The following TRIP12 variants were observed in gnomAD, a reference collection of about 807,000 sequenced individuals.
TRIP12 encodes E3 ubiquitin-protein ligase TRIP12.
TRIP12 carries 25 observed loss-of-function variants against 244.2 expected under a neutral mutation model. That is an observed-to-expected ratio of 0.10 (90% CI 0.07 to 0.14). TRIP12 has a LOEUF of 0.14. Among genes scored for constraint, TRIP12 ranks in the 10% least tolerant of loss-of-function variants. The pLI is 1.00. For missense variants in TRIP12, 1,677 were observed against 2,486.4 expected, an observed-to-expected ratio of 0.67 and a Z score of 6.92; for synonymous variants, 905 against 873.1, an observed-to-expected ratio of 1.04 and a Z score of -0.64.
At chr2:229,784,119 AAAAG>A (rs1299222691) in intron 34 of TRIP12, among the ~76,000 whole-genome samples, 1 of 151,576 alleles carries the variant, frequency 6.6e-6, no homozygotes, top group Non-Finnish European at 1.5e-5. Flanking sequence ...TCAAAAAAAA[AAAAG>A]AGAGAGAAAA....
chr2:229,903,010 C>CTTTTCTTTTTTTTTTT (rs1560250130), intron 1 of TRIP12, among the ~76,000 whole-genome samples: 1 of 25,668 alleles, frequency 3.9e-5, no homozygotes, highest in African/African-American at 1.2e-4. Flanking sequence ...TTTTCTTTTT[C>CTTTTCTTTTTTTTTTT]TTTTTTTCTT....
intron 7 of TRIP12, 116 bp from the exon 8 acceptor site, chr2:229,829,404 G>T: frequency 1.3e-6 from 1 of 777,354 alleles, no homozygotes; most frequent in Non-Finnish European, 2.0e-6. Context: ...ATGTTACTTT[G>T]CTTTCTGGAC....
intron 39 of TRIP12, 101 bp from the exon 40 acceptor site, chr2:229,769,426 G>T: frequency 1.5e-5 from 12 of 777,732 alleles, no homozygotes; most frequent in Admixed American, 3.3e-5. Flanking sequence ...ATCAGTCTCA[G>T]TACTAAAACC....
At position 229,803,681 on chromosome 2, in the gene TRIP12, G is replaced by A; in HGVS notation, c.2888C>T (p.Ala963Val). 2 of 1,595,198 alleles carry A rather than the reference G, an allele frequency of 1.3e-6. No homozygotes were observed. The highest frequency in any genetic ancestry group is 1.7e-6 in the Non-Finnish European group (2 of 1,173,878). Residue 963 changes from alanine to valine, a missense_variant, in exon 20 of 42, where the codon GCT becomes GTT. This residue lies in a region of TRIP12 where 572 missense variants were observed against 867.8 expected (regional missense o/e 0.66). Coordinates refer to ENST00000675903, the MANE Select transcript of TRIP12 (RefSeq NM_001348323.3). ...LKNHAVSSHI[A>V]SMLSSQDLKI... ...CAGGTCTTGGCTTGACAGCATGGAA[G>A]CAATGTGACTAAAAAAAGAAAGCAT... is the stretch of plus-strand genomic sequence containing the variant.
intron 2 of TRIP12, among the ~76,000 whole-genome samples, chr2:229,864,000 GTGAA>G (rs1450691467): frequency 1.6e-5 from 1 of 61,188 alleles, no homozygotes; most frequent in African/African-American, 6.4e-5. Flanking sequence ...AAAGATTTGG[GTGAA>G]AGAGAGAGAG....
rs1258751146 is a variant in TRIP12, at chr2:229,777,486, T to C, written c.5365-7A>G. On this transcript the variant is annotated splice_polypyrimidine_tract_variant and splice_region_variant and intron_variant, in intron 36 of 41. Transcript: ENST00000675903. Reference sequence around the variant, plus strand: ...AGCCAAGGGGAAGGTCCACCTGAAATGGAATATGCATAATATTTTCACTGT... The same window carrying C: ...AGCCAAGGGGAAGGTCCACCTGAAACGGAATATGCATAATATTTTCACTGT... 1.2e-6 allele frequency: 2 copies of C among 1,613,438 alleles called. No individual in the cohort carries two copies. The highest frequency in any genetic ancestry group is 1.7e-6 in the Non-Finnish European group (2 of 1,179,616).
At chr2:229,901,449 C>T (rs1239083054) in intron 1 of TRIP12, among the ~76,000 whole-genome samples, 2 of 151,028 alleles carry the variant, frequency 1.3e-5, no homozygotes, top group African/African-American at 4.9e-5. Flanking sequence ...GGTGAAACCC[C>T]CCTCCTCTAC....
chr2:229,811,338 G>C (rs2047197071), intron 13 of TRIP12, 134 bp from the exon 14 acceptor site: 6 of 877,100 alleles, frequency 6.8e-6, no homozygotes, highest in Non-Finnish European at 1.0e-5. Flanking sequence ...CTTTGAAAAT[G>C]CAAATGGGCC....
intron 1 of TRIP12, among the ~76,000 whole-genome samples, chr2:229,904,447 T>C (rs1233296436): frequency 6.7e-6 from 1 of 149,148 alleles, no homozygotes; most frequent in Non-Finnish European, 1.5e-5. Context: ...AATTTTAATC[T>C]GACAAAAAGG....
At chr2:229,859,977 G>T (rs1021056601) in intron 3 of TRIP12, among the ~76,000 whole-genome samples, 1 of 152,146 alleles carries the variant, frequency 6.6e-6, no homozygotes, top group Admixed American at 6.5e-5. Context: ...CTTTCAAAAT[G>T]AAGGTTAGAG....
Position 229,859,551 on chromosome 2 carries a change from ACAG to A in TRIP12, c.245_247del (p.Ala82del), listed in dbSNP as rs2060136911. The A allele has an allele frequency of 6.2e-7, 1 of 1,613,254 alleles. No individual in the cohort carries two copies. The highest frequency in any genetic ancestry group is 8.5e-7 in the Non-Finnish European group (1 of 1,179,502). ...TGGATCCTCTGGTTGTGGAACTATC[ACAG>A]CAGATGATGAACTGCAGCTTCTAAG... On this transcript the variant is annotated inframe_deletion, in exon 4 of 42. Coordinates refer to ENST00000675903, the MANE Select transcript of TRIP12 (RefSeq NM_001348323.3).
Position 229,805,859 on chromosome 2 carries a change from C to A in TRIP12, c.2521G>T (p.Glu841Ter). Residue 841 changes from glutamate (E) to a stop codon, truncating the protein, a stop_gained, in exon 18 of 42, where the codon GAG becomes TAG. Transcript: ENST00000675903. LOFTEE classifies it high-confidence loss of function. The part of the protein sequence containing the change: ...IEAAHQVGED[E>*]ISLSTLGRVY... ...CGTCCCAGAGTGGACAAGCTTATCT[C>A]ATCCTCACCGACCTGATGGGCTGCC... 6.3e-7 allele frequency: 1 copy of A among 1,588,788 alleles called. No homozygotes were observed. The highest frequency in any genetic ancestry group is 8.6e-7 in the Non-Finnish European group (1 of 1,161,694).
chr2:229,782,132 G>A (rs1286378112), intron 34 of TRIP12, among the ~76,000 whole-genome samples: 1 of 152,152 alleles, frequency 6.6e-6, no homozygotes, highest in African/African-American at 2.4e-5. Context: ...CAAATGGTTA[G>A]AGCAAAGGTC....
intron 15 of TRIP12, 74 bp downstream of exon 15, chr2:229,810,806 G>T: frequency 6.8e-7 from 1 of 1,463,704 alleles, no homozygotes; most frequent in Non-Finnish European, 9.4e-7. Context: ...CATTTGCTCG[G>T]CTTATGTTGA....
intron 29 of TRIP12, 56 bp downstream of exon 29, chr2:229,791,810 C>A: frequency 6.3e-7 from 1 of 1,575,250 alleles, no homozygotes; most frequent in South Asian, 1.2e-5. Context: ...AATTCTAAAA[C>A]ACAAGAACAG....
Position 229,807,823 on chromosome 2 carries a change from A to G in TRIP12, c.2381T>C (p.Val794Ala), listed in dbSNP as rs2046252220. The change falls in exon 17 of 42, where the codon GTT becomes GCT. Residue 794 changes from valine (V) to alanine (A), a missense_variant. Transcript: ENST00000675903. Reference protein sequence around the residue: ...PCLPKEGIFAVDTMLKKGNAQ... With the variant: ...PCLPKEGIFAADTMLKKGNAQ... ...ATTTCCCTTCTTCAACATGGTATCA[A>G]CTGCAAAAATGCCTTCTTTTGGTAA... 6.2e-7 allele frequency: 1 copy of G among 1,614,058 alleles called. No individual in the cohort carries two copies. The highest frequency in any genetic ancestry group is 1.7e-5 in the Admixed American group (1 of 60,006).
chr2:229,792,269 T>C, intron 27 of TRIP12, 43 bp from the exon 28 acceptor site: 2 of 1,571,756 alleles, frequency 1.3e-6, no homozygotes, highest in Non-Finnish European at 1.7e-6. Context: ...CGATTTTAGG[T>C]GTAAAAAAAA....
At chr2:229,853,292 A>G (rs1217771089) in intron 4 of TRIP12, among the ~76,000 whole-genome samples, 1 of 152,162 alleles carries the variant, frequency 6.6e-6, no homozygotes. Flanking sequence ...TATTCTACTA[A>G]GATTTGTATT....
intron 6 of TRIP12, among the ~76,000 whole-genome samples, chr2:229,832,635 C>T (rs2053742284): frequency 6.6e-6 from 1 of 152,196 alleles, no homozygotes; most frequent in South Asian, 2.1e-4. Context: ...TTATAATCAT[C>T]ATGCACATAA....
Sources: gnomAD v4.1 joint callset for allele counts (sites outside exome capture counted in the v4.1 genomes callset) on GRCh38, gnomAD v4.1.1 for gene constraint, gnomAD v4.1.1 regional missense constraint, MANE v1.5 for transcripts, NCBI Gene and HGNC (gene_info 2026-07-23, HGNC 2026-07-21) for gene names.